Variants in MEIS2 observed in about 807,000 individuals in gnomAD.
The protein encoded by MEIS2 is homeobox protein Meis2.
MEIS2 carries 9 observed loss-of-function variants against 58.6 expected under a neutral mutation model. The observed-to-expected ratio is 0.15, with a 90% confidence interval of 0.09 to 0.27. The LOEUF is 0.27. MEIS2 is among the 10% of genes least tolerant of loss of function. The pLI is 1.00. For synonymous variants in MEIS2, 221 were observed against 228.4 expected (o/e 0.97, Z 0.29); for missense variants, 427 against 635.0 (o/e 0.67, Z 3.52).
rs962530222 is a variant in MEIS2 at position 36,891,188 on chromosome 15, G to C, written c.*985C>G. 6.6e-6 allele frequency: 1 copy of C among 151,926 alleles called. No individual in the cohort carries two copies. The highest frequency in any genetic ancestry group is 1.5e-5 in the Non-Finnish European group (1 of 67,900). 9.4% of individuals were successfully genotyped at this position (151,926 alleles called of 1,614,324 possible). On this transcript the variant is annotated 3_prime_UTR_variant, in exon 12 of 12. Transcript: ENST00000561208. Reference sequence around the variant, plus strand: ...TGAGGAACACGTGCTGAGAAAAGAAGAATTCATGGACATACAATACCAATT... The same window carrying C: ...TGAGGAACACGTGCTGAGAAAAGAACAATTCATGGACATACAATACCAATT...
intron 9 of MEIS2, among the ~76,000 whole-genome samples, chr15:36,899,583 CT>C (rs1328211722): frequency 6.6e-6 from 1 of 151,480 alleles, no homozygotes; most frequent in African/African-American, 2.4e-5. Context: ...TTAGAATGAC[CT>C]TTTTCAATGC....
rs112829960 is a variant in MEIS2, at chr15:37,093,778, G to A, written c.490-48C>T. The A allele has an allele frequency of 8.1e-6, 13 of 1,600,652 alleles. No homozygotes were observed. The African/African-American group carries it at 9.4e-5, about 12-fold the overall frequency. ...GGGTTTAGCTCATGTTGTTGTTGTT[G>A]TTGTTTTGTTTCATTTTTAGAAAGG... On this transcript the variant is annotated intron_variant, in intron 5 of 11. Coordinates refer to ENST00000561208, the MANE Select transcript of MEIS2 (RefSeq NM_170675.5).
At chr15:37,099,320 C>T in intron 1 of MEIS2, 135 bp downstream of exon 1, 6 of 1,557,910 alleles carry the variant, frequency 3.9e-6, no homozygotes, top group Non-Finnish European at 5.2e-6. Flanking sequence ...AATAATTTTG[C>T]TATTTTTTAA....
At chr15:36,956,507 C>G (rs981676348) in intron 8 of MEIS2, among the ~76,000 whole-genome samples, 4 of 152,146 alleles carry the variant, frequency 2.6e-5, no homozygotes, top group African/African-American at 7.2e-5. Flanking sequence ...CACAGATAAT[C>G]ATGCTGTTTG....
Position 37,011,913 on chromosome 15 carries a change from C to T in MEIS2, c.900+24901G>A, listed in dbSNP as rs150269494. On this transcript the variant is annotated intron_variant, in intron 8 of 11. Coordinates refer to ENST00000561208, the MANE Select transcript of MEIS2 (RefSeq NM_170675.5). ...GATTACAGGTGTGAGGCACTGCGCCCGGTGGTGGTTTTACAGTCCATAGAT... is the reference window on the plus strand; with the variant it reads ...GATTACAGGTGTGAGGCACTGCGCCTGGTGGTGGTTTTACAGTCCATAGAT... Among the ~76,000 whole-genome samples, 139 of 151,988 alleles carry T rather than the reference C, an allele frequency of 9.1e-4. 1 individual carries two copies. The highest frequency in any genetic ancestry group is 2.8e-3 in the African/African-American group (115 of 41,460).
intron 11 of MEIS2, 36 bp downstream of exon 11, chr15:36,895,115 C>G: frequency 6.4e-7 from 1 of 1,569,846 alleles, no homozygotes; most frequent in Non-Finnish European, 8.7e-7. Flanking sequence ...GGTGGCACTT[C>G]CCAGGGAAGC....
chr15:36,924,298 T>G (rs1271694778), intron 9 of MEIS2, among the ~76,000 whole-genome samples: 2 of 152,228 alleles, frequency 1.3e-5, no homozygotes, highest in Non-Finnish European at 2.9e-5. Flanking sequence ...GGTCCTGCCC[T>G]GTCAGGCAGA....
intron 9 of MEIS2, among the ~76,000 whole-genome samples, chr15:36,927,073 C>T (rs959929964): frequency 9.2e-5 from 14 of 152,234 alleles, no homozygotes; most frequent in African/African-American, 3.1e-4. Flanking sequence ...TTCTTCCTAC[C>T]GATGTGCTTG....
chr15:37,070,180 A>G lies in MEIS2; in HGVS notation c.754+13591T>C, dbSNP rs1047074509. Among the ~76,000 whole-genome samples the G allele has an allele frequency of 4.6e-5, 7 of 152,304 alleles. No homozygotes were observed. In the South Asian group the frequency reaches 1.4e-3, roughly 32 times the overall value. On this transcript the variant is annotated intron_variant, in intron 7 of 11. Coordinates refer to ENST00000561208, the MANE Select transcript of MEIS2 (RefSeq NM_170675.5). The stretch of plus-strand genomic sequence containing the variant: ...GATTAATACAATGAAGAATAACTAC[A>G]TGGAGAGCTGGGTTAATGGAACATT...
intron 8 of MEIS2, among the ~76,000 whole-genome samples, chr15:36,958,201 C>T (rs1039561347): frequency 7.2e-5 from 11 of 152,004 alleles, no homozygotes; most frequent in African/African-American, 2.7e-4. Flanking sequence ...TACTGAGAGC[C>T]ACAGTGGGAA....
intron 9 of MEIS2, among the ~76,000 whole-genome samples, chr15:36,911,220 T>C (rs935643811): frequency 6.6e-6 from 1 of 152,172 alleles, no homozygotes; most frequent in East Asian, 1.9e-4. Context: ...ATGCCTAAAA[T>C]GTCTGCTTCA....
chr15:36,971,287 T>C (rs1273484133), intron 8 of MEIS2, among the ~76,000 whole-genome samples: 1 of 152,036 alleles, frequency 6.6e-6, no homozygotes, highest in Non-Finnish European at 1.5e-5. Context: ...TTAAGGCACA[T>C]TGTTTTCTGA....
Position 36,890,824 on chromosome 15 carries a change from A to T in MEIS2, c.*1349T>A, listed in dbSNP as rs2055814713. 6.6e-6 allele frequency: 1 copy of T among 152,206 alleles called. No homozygotes were observed. Among genetic ancestry groups the T allele is most frequent in the Admixed American group, 6.5e-5 (1 of 15,278 alleles). The allele number at this position is 152,206 out of a possible 1,614,324, so 9.4% of individuals were successfully genotyped here. Reference sequence around the variant, plus strand: ...TCAACCTGGCTCATCATGTACACATAGTTTCGTACCTTTAGAAGTTTTCTG... The same window carrying T: ...TCAACCTGGCTCATCATGTACACATTGTTTCGTACCTTTAGAAGTTTTCTG... On this transcript the variant is annotated 3_prime_UTR_variant, in exon 12 of 12. Transcript: ENST00000561208.
intron 8 of MEIS2, among the ~76,000 whole-genome samples, chr15:36,952,865 T>C (rs1192162638): frequency 6.6e-6 from 1 of 152,154 alleles, no homozygotes; most frequent in Non-Finnish European, 1.5e-5. Context: ...GCATTTTATC[T>C]TGGGAATCCC....
intron 8 of MEIS2, among the ~76,000 whole-genome samples, chr15:37,019,246 C>T (rs1463894722): frequency 1.3e-5 from 2 of 152,164 alleles, no homozygotes; most frequent in East Asian, 3.9e-4. Flanking sequence ...GTGAATCAAA[C>T]CAAAGTCGAT....
At chr15:36,936,175 G>A (rs1173691778) in intron 9 of MEIS2, among the ~76,000 whole-genome samples, 3 of 151,742 alleles carry the variant, frequency 2.0e-5, no homozygotes, top group East Asian at 1.9e-4. Context: ...TGCCTGCAAG[G>A]AGTGGGAGGT....
At chr15:36,967,204 C>T (rs895029222) in intron 8 of MEIS2, among the ~76,000 whole-genome samples, 4 of 152,108 alleles carry the variant, frequency 2.6e-5, no homozygotes, top group South Asian at 2.1e-4. Context: ...ACATTTTAAA[C>T]GCTCATGATA....
chr15:37,063,724 T>A (rs966683775), intron 7 of MEIS2, among the ~76,000 whole-genome samples: 1 of 152,208 alleles, frequency 6.6e-6, no homozygotes, highest in African/African-American at 2.4e-5. Flanking sequence ...CAGATTACGA[T>A]AAAGCTAGTA....
intron 7 of MEIS2, among the ~76,000 whole-genome samples, chr15:37,062,721 C>A (rs1199254122): frequency 6.6e-6 from 1 of 152,166 alleles, no homozygotes; most frequent in Non-Finnish European, 1.5e-5. Flanking sequence ...CATATAAGGA[C>A]CCCTGAAGAA....
Sources: allele counts gnomAD v4.1 joint callset (sites outside exome capture counted in the v4.1 genomes callset), GRCh38; gene constraint gnomAD v4.1.1; transcripts MANE v1.5; gene names NCBI Gene and HGNC (gene_info 2026-07-23, HGNC 2026-07-21).